Variants in COLEC12 observed in about 807,000 individuals in gnomAD.
COLEC12 encodes the protein collectin subfamily member 12.
In COLEC12, 33 loss-of-function variants were observed where a neutral mutation model predicts 71.1. The observed-to-expected ratio is 0.46, with a 90% CI of 0.35 to 0.62. The LOEUF is 0.62. Ranked by LOEUF, COLEC12 falls within the 20% of genes least tolerant of loss-of-function variation. The pLI is 0.00. For missense variants in COLEC12, 765 were observed against 916.1 expected (o/e 0.84, Z 2.13); for synonymous variants, 350 against 353.0 (o/e 0.99, Z 0.10).
intron 2 of COLEC12, among the ~76,000 whole-genome samples, chr18:419,644 T>C (rs1328315075): frequency 6.6e-6 from 1 of 152,258 alleles, no homozygotes; most frequent in Non-Finnish European, 1.5e-5. Context: ...GTTGAATATC[T>C]ACCTTCTTAA....
chr18:374,467 C>T (rs911319733), intron 2 of COLEC12, among the ~76,000 whole-genome samples: 3 of 152,118 alleles, frequency 2.0e-5, no homozygotes, highest in East Asian at 1.9e-4. Flanking sequence ...ACTATGACCT[C>T]GCCCCTGAAA....
At chr18:428,466 G>GT (rs1458509824) in intron 2 of COLEC12, among the ~76,000 whole-genome samples, 1 of 152,132 alleles carries the variant, frequency 6.6e-6, no homozygotes, top group Admixed American at 6.5e-5. Context: ...ATTATTTCAA[G>GT]TAACTCACTG....
intron 2 of COLEC12, among the ~76,000 whole-genome samples, chr18:407,914 G>T (rs990113154): frequency 6.6e-6 from 1 of 152,216 alleles, no homozygotes; most frequent in Non-Finnish European, 1.5e-5. Flanking sequence ...TCTCTGGGGA[G>T]TGGGGCCTGA....
chr18:350,270 C>G (rs1458721375), intron 3 of COLEC12, among the ~76,000 whole-genome samples: 3 of 152,162 alleles, frequency 2.0e-5, no homozygotes, highest in African/African-American at 7.2e-5. Flanking sequence ...TGGGTTTCCA[C>G]TTTTTCATCT....
Position 404,108 on chromosome 18 carries a change from C to T in COLEC12, c.59-46586G>A, listed in dbSNP as rs1379766935. Among the ~76,000 whole-genome samples, 4 of 152,130 alleles carry T rather than the reference C, an allele frequency of 2.6e-5. No individual in the cohort carries two copies. The East Asian group carries it at 5.8e-4, about 22-fold the overall frequency. On this transcript the variant is annotated intron_variant, in intron 2 of 9. Coordinates refer to ENST00000400256, the MANE Select transcript of COLEC12 (RefSeq NM_130386.3). ...CTTCACACACCATGTCGCCGATGTG[C>T]GAGTATAATATAGGAATGAAAGCAT...
At position 480,310 on chromosome 18, in the gene COLEC12, T is replaced by A. The variant is rs1192136665; in HGVS notation, c.58+397A>T. On this transcript the variant is annotated intron_variant, in intron 2 of 9. Transcript: ENST00000400256. The surrounding 1 kb of genome is among the most constrained non-coding windows in gnomAD (Gnocchi z 4.1). The stretch of plus-strand genomic sequence containing the variant: ...TTGGAAGAAGTCTCCCTCTCACTCA[T>A]CCATGAACACTGGGTTAGGAGTGTA... Among the ~76,000 whole-genome samples, 1 of 152,210 alleles carries A rather than the reference T, an allele frequency of 6.6e-6. No homozygotes were observed. Among genetic ancestry groups the A allele is most frequent in the Admixed American group, 6.5e-5 (1 of 15,278 alleles).
chr18:406,221 G>A (rs1567898349), intron 2 of COLEC12, among the ~76,000 whole-genome samples: 2 of 152,124 alleles, frequency 1.3e-5, no homozygotes, highest in South Asian at 4.1e-4. Context: ...ATAAAAATGG[G>A]CAACCAGGCC....
At chr18:499,660 T>C (rs924050763) in intron 1 of COLEC12, among the ~76,000 whole-genome samples, 2 of 152,254 alleles carry the variant, frequency 1.3e-5, no homozygotes, top group African/African-American at 4.8e-5. Flanking sequence ...AACGACTCTT[T>C]GATGCCTCCG....
intron 1 of COLEC12, among the ~76,000 whole-genome samples, chr18:494,831 T>C (rs142627030): frequency 6.6e-6 from 1 of 152,296 alleles, no homozygotes; most frequent in East Asian, 1.9e-4. Context: ...ACATCCAACG[T>C]CACAGGCTAG....
At position 331,699 on chromosome 18, in the gene COLEC12, TC is replaced by T; in HGVS notation, c.2031del (p.Trp677Ter). On this transcript the variant is annotated frameshift_variant, in exon 8 of 10. Coordinates refer to ENST00000400256, the MANE Select transcript of COLEC12 (RefSeq NM_130386.3). LOFTEE classifies it high-confidence loss of function. ...GLTDSERENE[W>X]KWLDGTSPDY... Reference sequence around the variant, plus strand: ...TCTGGAGATGTCCCATCCAGCCACTTCCATTCATTTTCACGCTCTGAGTCTG... The same window carrying T: ...TCTGGAGATGTCCCATCCAGCCACTTCATTCATTTTCACGCTCTGAGTCTG... 6.2e-7 allele frequency: 1 copy of T among 1,613,400 alleles called. No homozygotes were observed. Among genetic ancestry groups the T allele is most frequent in the Non-Finnish European group, 8.5e-7 (1 of 1,179,294 alleles).
intron 2 of COLEC12, among the ~76,000 whole-genome samples, chr18:388,984 G>A (rs1915402618): frequency 1.3e-5 from 2 of 152,174 alleles, no homozygotes; most frequent in African/African-American, 4.8e-5. Context: ...CCTGTGGAGT[G>A]TCTACATCAG....
chr18:394,983 G>A (rs1240795417), intron 2 of COLEC12, among the ~76,000 whole-genome samples: 1 of 152,232 alleles, frequency 6.6e-6, no homozygotes, highest in Non-Finnish European at 1.5e-5. Context: ...TCAGTTAAAG[G>A]TTTGAGCAAG....
intron 2 of COLEC12, among the ~76,000 whole-genome samples, chr18:444,092 C>T (rs553423848): frequency 2.8e-4 from 42 of 152,270 alleles, no homozygotes; most frequent in African/African-American, 9.4e-4. Flanking sequence ...ATTACCCAGC[C>T]TCAGGTATTT....
In COLEC12 at chr18:336,206, G is replaced by C. The variant is rs376543299; in HGVS notation, c.1328-976C>G. ...CTGTGCTGTCCACCAAAGCTGTGGG[G>C]GTGCTGCTGTCCTTAGGGCTGGGCC... On this transcript the variant is annotated intron_variant, in intron 5 of 9. Coordinates refer to ENST00000400256, the MANE Select transcript of COLEC12 (RefSeq NM_130386.3). Among the ~76,000 whole-genome samples the C allele has an allele frequency of 1.1e-4, 17 of 152,180 alleles. 1 individual carries two copies. The highest frequency in any genetic ancestry group is 7.7e-4 in the East Asian group (4 of 5,162).
intron 2 of COLEC12, among the ~76,000 whole-genome samples, chr18:450,595 T>C (rs1916742071): frequency 6.6e-6 from 1 of 152,212 alleles, no homozygotes; most frequent in Admixed American, 6.5e-5. Flanking sequence ...TTAAACCTCT[T>C]TTCTTTATAA....
Position 334,961 on chromosome 18 carries a change from C to T in COLEC12, c.1597G>A (p.Gly533Ser), listed in dbSNP as rs1390500034. 3 of 1,562,278 alleles carry T rather than the reference C, an allele frequency of 1.9e-6. No homozygotes were observed. Among genetic ancestry groups the T allele is most frequent in the Middle Eastern group, 4.1e-4 (2 of 4,848 alleles). ...TGAGGGCCGGGGAGTCCCTCTTTGC[C>T]TGGTGGGCCCGGGGGGCCTGGGTCC... is the stretch of plus-strand genomic sequence containing the variant. The part of the protein sequence containing the change: ...SGDPGPPGPP[G>S]KEGLPGPQGP... The change falls in exon 6 of 10, where the codon GGC becomes AGC. Residue 533 changes from glycine to serine, a missense_variant. Coordinates refer to ENST00000400256, the MANE Select transcript of COLEC12 (RefSeq NM_130386.3).
Position 321,705 on chromosome 18 carries a change from A to C in COLEC12, c.2166T>G (p.Cys722Trp). 6.2e-7 allele frequency: 1 copy of C among 1,614,238 alleles called. No individual in the cohort carries two copies. Among genetic ancestry groups the C allele is most frequent in the Non-Finnish European group, 8.5e-7 (1 of 1,180,046 alleles). ...IYAGQWNDFQ[C>W]EDVNNFICEK... ...CGCAAATGAAGTTATTGACGTCTTC[A>C]CATTGGAAATCGTTCCACTGCCCAG... Residue 722 changes from cysteine (C) to tryptophan (W), a missense_variant, in exon 9 of 10, where the codon TGT (cysteine) becomes TGG (tryptophan). Physicochemically the swap from Cys to Trp is radical, Grantham distance 215 (BLOSUM62 -2). Coordinates refer to ENST00000400256, the MANE Select transcript of COLEC12 (RefSeq NM_130386.3).
At chr18:415,944 T>C (rs1284524029) in intron 2 of COLEC12, among the ~76,000 whole-genome samples, 3 of 152,258 alleles carry the variant, frequency 2.0e-5, no homozygotes, top group East Asian at 3.8e-4. Flanking sequence ...TGGTGTTGAA[T>C]ATGTTTGGCT....
At chr18:351,693 G>A (rs1158366973) in intron 3 of COLEC12, among the ~76,000 whole-genome samples, 6 of 152,002 alleles carry the variant, frequency 3.9e-5, no homozygotes, top group Non-Finnish European at 7.4e-5. Flanking sequence ...TCAGCCTCCC[G>A]AGTAGCTGGG....
Sources: allele counts gnomAD v4.1 joint callset (sites outside exome capture counted in the v4.1 genomes callset), GRCh38; gene constraint gnomAD v4.1.1; non-coding constraint Gnocchi (gnomAD v3.1); transcripts MANE v1.5; gene names NCBI Gene and HGNC (gene_info 2026-07-23, HGNC 2026-07-21).